The following BMP8B variants were observed in gnomAD, a reference collection of about 807,000 sequenced individuals.
BMP8B encodes the protein bone morphogenetic protein 8 (osteogenic protein 2).
BMP8B carries 17 observed loss-of-function variants against 30.3 expected under a neutral mutation model. The ratio of observed to expected loss-of-function variants is 0.56; its 90% CI spans 0.38 to 0.84. The LOEUF (loss-of-function observed/expected upper bound fraction) is 0.84. Ranked by LOEUF, BMP8B falls within the 40% of genes least tolerant of loss-of-function variation. The probability of loss-of-function intolerance (pLI) is 0.00; values close to 1 mark genes in which losing one functional copy is unlikely to be tolerated. For synonymous variants in BMP8B, 131 were observed against 214.7 expected (o/e 0.61, Z 3.41); for missense variants, 253 against 494.6 (o/e 0.51, Z 4.63).
chr1:39,778,830 C>G (rs949071712), intron 1 of BMP8B, among the ~76,000 whole-genome samples: 3 of 152,212 alleles, frequency 2.0e-5, no homozygotes, highest in African/African-American at 7.2e-5. Flanking sequence ...TCCTCTCTTG[C>G]CTATGGGAAA....
chr1:39,787,248 T>A (rs12564782), intron 1 of BMP8B, among the ~76,000 whole-genome samples: 27,550 of 149,646 alleles, frequency 0.18, 2,696 homozygotes, highest in East Asian at 0.3. Flanking sequence ...CCAGGGACCC[T>A]CTCCCTCCTC....
intron 1 of BMP8B, among the ~76,000 whole-genome samples, chr1:39,775,462 C>G (rs183802019): frequency 1.3e-5 from 2 of 152,320 alleles, no homozygotes; most frequent in Non-Finnish European, 2.9e-5. Flanking sequence ...ACCTGGTAGA[C>G]AGGAACATAA....
chr1:39,783,355 A>C (rs1557492040), intron 1 of BMP8B, among the ~76,000 whole-genome samples: 1 of 152,162 alleles, frequency 6.6e-6, no homozygotes. Flanking sequence ...GGGCAGTCAT[A>C]ATCATTTACT....
chr1:39,763,842 G>A lies in BMP8B; in HGVS notation c.869-51C>T, dbSNP rs1334659995. ...TTTTCTGGGGTTCCTACTGTGTGCAGCTACTATGGGGTACCAGGGTGGGGG... is the reference window on the plus strand; with the variant it reads ...TTTTCTGGGGTTCCTACTGTGTGCAACTACTATGGGGTACCAGGGTGGGGG... On this transcript the variant is annotated intron_variant, in intron 4 of 6. Coordinates refer to ENST00000372827, the MANE Select transcript of BMP8B (RefSeq NM_001720.5). 4 of 1,572,312 alleles carry A rather than the reference G, an allele frequency of 2.5e-6. No homozygotes were observed. The East Asian group carries it at 9.1e-5, about 36-fold the overall frequency.
chr1:39,769,293 G>A (rs1649785609), intron 3 of BMP8B, among the ~76,000 whole-genome samples: 1 of 150,812 alleles, frequency 6.6e-6, no homozygotes, highest in African/African-American at 2.4e-5. Context: ...TCTCACTGCA[G>A]TAGTAAAATG....
chr1:39,787,809 C>T (rs1651093258), intron 1 of BMP8B, among the ~76,000 whole-genome samples: 1 of 152,192 alleles, frequency 6.6e-6, no homozygotes, highest in Non-Finnish European at 1.5e-5. Context: ...GCATCCCGGC[C>T]TCTGTTTACT....
chr1:39,769,232 G>A (rs867761087), intron 3 of BMP8B, among the ~76,000 whole-genome samples: 10 of 150,802 alleles, frequency 6.6e-5, no homozygotes, highest in East Asian at 4.0e-4. Context: ...AAACAAGCTC[G>A]TGAAGATAGC....
chr1:39,760,584 G>A lies in BMP8B; in HGVS notation c.1060-16C>T. On this transcript the variant is annotated splice_polypyrimidine_tract_variant and intron_variant, in intron 6 of 6. Coordinates refer to ENST00000372827, the MANE Select transcript of BMP8B (RefSeq NM_001720.5). ...TCAGGTGCACCTGGCCAGGAAGAGG[G>A]CACAGGCAGGGGCATGAGCCCAGTG... 6.2e-7 allele frequency: 1 copy of A among 1,611,932 alleles called. No individual in the cohort carries two copies. Among genetic ancestry groups the A allele is most frequent in the Non-Finnish European group, 8.5e-7 (1 of 1,179,690 alleles).
At chr1:39,762,022 C>T (rs1649057935) in intron 6 of BMP8B, among the ~76,000 whole-genome samples, 1 of 152,206 alleles carries the variant, frequency 6.6e-6, no homozygotes, top group African/African-American at 2.4e-5. Context: ...ACACATGCAG[C>T]CATGAGAACC....
chr1:39,771,403 C>T (rs1374193582), intron 3 of BMP8B: 5 of 827,752 alleles, frequency 6.0e-6, no homozygotes, highest in Non-Finnish European at 8.4e-6. Context: ...AGGCTAGGCC[C>T]GCGACCCGCA....
intron 3 of BMP8B, chr1:39,770,526 C>G (rs1369242607): frequency 6.2e-7 from 1 of 1,610,176 alleles, no homozygotes; most frequent in Non-Finnish European, 8.5e-7. Context: ...TCTTCCACCT[C>G]CACCGCCGTG....
chr1:39,778,149 C>T (rs1303970707), intron 1 of BMP8B, among the ~76,000 whole-genome samples: 2 of 152,248 alleles, frequency 1.3e-5, no homozygotes, highest in Non-Finnish European at 2.9e-5. Flanking sequence ...TCCCAAGGGT[C>T]TCTTGTCCCC....
At position 39,757,883 on chromosome 1, in the gene BMP8B, A is replaced by C. The variant is rs571573074; in HGVS notation, c.*2536T>G. ...TTTATTTCATTTGGTGACTATCTGG[A>C]TGATAAAAGTTGCTGAAAGTCTGAT... On this transcript the variant is annotated 3_prime_UTR_variant, in exon 7 of 7. Transcript: ENST00000372827. 1 of 152,332 alleles carries C rather than the reference A, an allele frequency of 6.6e-6. No individual in the cohort carries two copies. Among genetic ancestry groups the C allele is most frequent in the Middle Eastern group, 3.4e-3 (1 of 294 alleles). The allele number at this position is 152,332 out of a possible 1,614,324, so 9.4% of individuals were successfully genotyped here.
Position 39,764,728 on chromosome 1 carries a change from T to A in BMP8B, c.763A>T (p.Ser255Cys), listed in dbSNP as rs1649481685. 6.2e-7 allele frequency: 1 copy of A among 1,613,668 alleles called. No individual in the cohort carries two copies. Among genetic ancestry groups the A allele is most frequent in the African/African-American group, 1.3e-5 (1 of 74,782 alleles). Residue 255 changes from serine to cysteine, a missense_variant, in exon 4 of 7, where the codon AGT (serine) becomes TGT (cysteine). Physicochemically the swap from Ser to Cys is moderately radical, Grantham distance 112. Transcript: ENST00000372827. The stretch of plus-strand genomic sequence containing the variant: ...CGAGGGGTGCGGATGGGACTCGGAC[T>A]GGCCCTGAAGAAAGTGACCACGAAA... ...QPFVVTFFRASPSPIRTPRAV... is the reference protein window; with the variant it reads ...QPFVVTFFRACPSPIRTPRAV...
chr1:39,783,489 A>C (rs1177304260), intron 1 of BMP8B, among the ~76,000 whole-genome samples: 5 of 152,374 alleles, frequency 3.3e-5, no homozygotes, highest in African/African-American at 7.2e-5. Context: ...TTGCAAGGAC[A>C]AATACCTTTG....
intron 1 of BMP8B, among the ~76,000 whole-genome samples, chr1:39,785,690 T>C (rs1431019377): frequency 6.6e-6 from 1 of 152,148 alleles, no homozygotes; most frequent in Non-Finnish European, 1.5e-5. Flanking sequence ...GATCCCGTGG[T>C]GGCCTCTGCC....
intron 1 of BMP8B, among the ~76,000 whole-genome samples, chr1:39,786,811 T>C (rs932327745): frequency 1.2e-4 from 19 of 152,304 alleles, no homozygotes; most frequent in Non-Finnish European, 2.4e-4. Flanking sequence ...GGGCGCTCAG[T>C]GATGGTGAAT....
rs150413514 is a variant in BMP8B, at chr1:39,760,126, A to G, written c.*293T>C. On this transcript the variant is annotated 3_prime_UTR_variant, in exon 7 of 7. Transcript: ENST00000372827. ...GGACCTCAGACAGGACTTCTGTGCC[A>G]ACCCCAAAGAACCAGCCAGGACATG... 150 of 463,504 alleles carry G rather than the reference A, an allele frequency of 3.2e-4. No homozygotes were observed. Among genetic ancestry groups the G allele is most frequent in the African/African-American group, 2.9e-3 (146 of 50,964 alleles). The allele number at this position is 463,504 out of a possible 1,614,324, so 28.7% of individuals were successfully genotyped here.
chr1:39,786,075 C>T (rs75950025), intron 1 of BMP8B, among the ~76,000 whole-genome samples: 3,919 of 152,232 alleles, frequency 0.026, 101 homozygotes, highest in East Asian at 0.12. Context: ...CCCGGATGTG[C>T]GGTGTGGCCC....
Sources: allele counts gnomAD v4.1 joint callset (sites outside exome capture counted in the v4.1 genomes callset), GRCh38; gene constraint gnomAD v4.1.1; transcripts MANE v1.5; gene names NCBI Gene and HGNC (gene_info 2026-07-23, HGNC 2026-07-21).